RNF146: variants seen among roughly 807,000 people sequenced by gnomAD.
The protein encoded by RNF146 is E3 ubiquitin-protein ligase RNF146.
RNF146 carries 11 observed loss-of-function variants against 29.7 expected under a neutral mutation model. The observed-to-expected ratio is 0.37, with a 90% CI of 0.23 to 0.61. The LOEUF (loss-of-function observed/expected upper bound fraction) is 0.61, where lower values mean the gene tolerates loss of function less well. Ranked by LOEUF, RNF146 falls within the 20% of genes least tolerant of loss-of-function variation. RNF146 has a pLI of 0.66. For missense variants in RNF146, 342 were observed against 438.9 expected (o/e 0.78, Z 1.97); for synonymous variants, 150 against 159.7 (o/e 0.94, Z 0.46).
intron 1 of RNF146, among the ~76,000 whole-genome samples, chr6:127,274,039 T>TTG (rs199739921): frequency 7.2e-5 from 11 of 151,774 alleles, no homozygotes; most frequent in East Asian, 1.9e-4. Flanking sequence ...GCTCCTGGGT[T>TTG]TGTGTGTGTG....
intron 2 of RNF146, among the ~76,000 whole-genome samples, chr6:127,285,792 G>C (rs1337696515): frequency 1.3e-5 from 2 of 151,646 alleles, no homozygotes; most frequent in Non-Finnish European, 2.9e-5. Context: ...TGTTATTTTA[G>C]TAAGTATGTT....
intron 1 of RNF146, among the ~76,000 whole-genome samples, chr6:127,267,536 G>T (rs1390451751): frequency 2.6e-5 from 4 of 152,194 alleles, no homozygotes; most frequent in Non-Finnish European, 5.9e-5. Flanking sequence ...CGTACAGTCT[G>T]CATTTTTGCC....
Position 127,280,358 on chromosome 6 carries a change from GT to G in RNF146, c.2+25del. 6.5e-7 allele frequency: 1 copy of G among 1,546,550 alleles called. No homozygotes were observed. Reference sequence around the variant, plus strand: ...ATAGAAATGTAAGTGTAGCATCATGGTTTTTTTCAGTGCTGCAGTAAATTAA... The same window carrying G: ...ATAGAAATGTAAGTGTAGCATCATGGTTTTTTCAGTGCTGCAGTAAATTAA... On this transcript the variant is annotated intron_variant, in intron 2 of 2. Coordinates refer to ENST00000368314, the MANE Select transcript of RNF146 (RefSeq NM_001242850.2).
At chr6:127,284,352 A>G (rs1315139666) in intron 2 of RNF146, among the ~76,000 whole-genome samples, 1 of 151,804 alleles carries the variant, frequency 6.6e-6, no homozygotes, top group Admixed American at 6.6e-5. Flanking sequence ...TGTTTTTCCA[A>G]AGTAATGGTG....
In RNF146 at chr6:127,273,969, A is replaced by T. The variant is rs539014271; in HGVS notation, c.-108-6262A>T. On this transcript the variant is annotated intron_variant, in intron 1 of 2. Coordinates refer to ENST00000368314, the MANE Select transcript of RNF146 (RefSeq NM_001242850.2). The stretch of plus-strand genomic sequence containing the variant: ...TGAAGGAGAAAGTTTATATTGATGG[A>T]AAGTCATTATTCATAGATACTTTGC... Among the ~76,000 whole-genome samples the T allele has an allele frequency of 5.9e-5, 9 of 152,238 alleles. No individual in the cohort carries two copies. The East Asian group carries it at 1.5e-3, about 26-fold the overall frequency.
chr6:127,276,691 A>G (rs1057224024), intron 1 of RNF146, among the ~76,000 whole-genome samples: 1 of 152,070 alleles, frequency 6.6e-6, no homozygotes, highest in African/African-American at 2.4e-5. Flanking sequence ...TGGAAGAACC[A>G]GAGCTTGTGA....
chr6:127,281,015 A>G (rs1778849785), intron 2 of RNF146, among the ~76,000 whole-genome samples: 1 of 151,722 alleles, frequency 6.6e-6, no homozygotes, highest in Non-Finnish European at 1.5e-5. Flanking sequence ...TGTAGTGAAT[A>G]TTTTATTGAC....
rs1335074885 is a variant in RNF146 at position 127,287,851 on chromosome 6, C to A, written c.*158C>A. On this transcript the variant is annotated 3_prime_UTR_variant, in exon 3 of 3. Coordinates refer to ENST00000368314, the MANE Select transcript of RNF146 (RefSeq NM_001242850.2). ...CATAATTAAAATGTCTAACATGTCT[C>A]TGTTGAGAAATTTATTTAATGTAAG... is the stretch of plus-strand genomic sequence containing the variant. The A allele has an allele frequency of 2.0e-5, 11 of 554,742 alleles. No homozygotes were observed. Among genetic ancestry groups the A allele is most frequent in the Non-Finnish European group, 3.6e-5 (11 of 305,140 alleles). 34.4% of individuals were successfully genotyped at this position (554,742 alleles called of 1,614,324 possible). A position where few individuals can be genotyped will look rare whatever the true frequency, so the allele number is the denominator to read the frequency against.
intron 1 of RNF146, among the ~76,000 whole-genome samples, chr6:127,269,792 A>G (rs781464224): frequency 2.0e-4 from 31 of 152,146 alleles, no homozygotes; most frequent in Non-Finnish European, 4.0e-4. Flanking sequence ...CCTTTTATGT[A>G]TATATAATTT....
chr6:127,280,567 C>A, intron 2 of RNF146: 1 of 1,214,646 alleles, frequency 8.2e-7, no homozygotes. Flanking sequence ...ACTGAAGACA[C>A]AGGAGTTTGC....
intron 1 of RNF146, among the ~76,000 whole-genome samples, chr6:127,278,932 G>A (rs1362623928): frequency 9.9e-5 from 15 of 151,956 alleles, no homozygotes; most frequent in Admixed American, 2.0e-4. Context: ...GGCCATTTGT[G>A]TATCTTCTTT....
chr6:127,272,038 T>C (rs185300579), intron 1 of RNF146, among the ~76,000 whole-genome samples: 1 of 152,220 alleles, frequency 6.6e-6, no homozygotes, highest in East Asian at 1.9e-4. Flanking sequence ...TGACCTTTTC[T>C]GTGAGAGACA....
intron 1 of RNF146, among the ~76,000 whole-genome samples, chr6:127,278,862 G>A (rs1778581548): frequency 6.6e-6 from 1 of 151,928 alleles, no homozygotes; most frequent in South Asian, 2.1e-4. Flanking sequence ...GTATCATTGT[G>A]ATTTTGATTT....
At chr6:127,273,627 CTG>C (rs893588130) in intron 1 of RNF146, among the ~76,000 whole-genome samples, 16 of 151,838 alleles carry the variant, frequency 1.1e-4, no homozygotes, top group African/African-American at 3.6e-4. Context: ...CATTTCCAAC[CTG>C]TGTTGTTGAA....
At chr6:127,270,926 C>T (rs1777390870) in intron 1 of RNF146, among the ~76,000 whole-genome samples, 1 of 151,840 alleles carries the variant, frequency 6.6e-6, no homozygotes, top group Non-Finnish European at 1.5e-5. Context: ...AGAGATTCTC[C>T]TGCCTCAGCC....
At chr6:127,277,453 A>G (rs1778364954) in intron 1 of RNF146, among the ~76,000 whole-genome samples, 1 of 152,020 alleles carries the variant, frequency 6.6e-6, no homozygotes, top group African/African-American at 2.4e-5. Flanking sequence ...TTTAGTCAGT[A>G]TATTAGGCAG....
chr6:127,278,454 A>G (rs1214440661), intron 1 of RNF146, among the ~76,000 whole-genome samples: 1 of 152,030 alleles, frequency 6.6e-6, no homozygotes, highest in Non-Finnish European at 1.5e-5. Context: ...AAGTGGAATC[A>G]TACTTTTCTG....
At chr6:127,271,200 A>G (rs149373604) in intron 1 of RNF146, among the ~76,000 whole-genome samples, 2 of 152,304 alleles carry the variant, frequency 1.3e-5, no homozygotes, top group Non-Finnish European at 2.9e-5. Flanking sequence ...ACATATATTA[A>G]TCCACTGTTT....
At chr6:127,273,182 A>G (rs1582867139) in intron 1 of RNF146, among the ~76,000 whole-genome samples, 1 of 152,336 alleles carries the variant, frequency 6.6e-6, no homozygotes. Flanking sequence ...ATACACAAGA[A>G]CAAGAGATTA....
Sources: allele counts gnomAD v4.1 joint callset (sites outside exome capture counted in the v4.1 genomes callset), GRCh38; gene constraint gnomAD v4.1.1; transcripts MANE v1.5; gene names NCBI Gene and HGNC (gene_info 2026-07-23, HGNC 2026-07-21).